Variants in AUTS2 observed in about 807,000 individuals in gnomAD.
AUTS2 encodes autism susceptibility gene 2 protein.
Under a neutral mutation model 112.4 loss-of-function variants are expected in AUTS2, and 17 were observed. That is an observed-to-expected ratio of 0.15 (90% CI 0.10 to 0.23). AUTS2 has a LOEUF of 0.23. Among genes scored for constraint, AUTS2 ranks in the 10% least tolerant of loss-of-function variants. The pLI is 1.00. For missense variants in AUTS2, 1,510 were observed against 1,701.6 expected (o/e 0.89, Z 1.98); for synonymous variants, 751 against 702.7 (o/e 1.07, Z -1.09).
At chr7:69,764,631 A>G (rs1788341201) in intron 1 of AUTS2, among the ~76,000 whole-genome samples, 1 of 152,204 alleles carries the variant, frequency 6.6e-6, no homozygotes. Flanking sequence ...TTCTAGCCAG[A>G]TAAAGGAGAT....
chr7:70,619,794 G>A (rs1804573589), intron 5 of AUTS2, among the ~76,000 whole-genome samples: 1 of 152,072 alleles, frequency 6.6e-6, no homozygotes. Flanking sequence ...CATTTCAGAT[G>A]CACCCCCATG....
At chr7:69,928,990 C>G (rs541820495) in intron 2 of AUTS2, among the ~76,000 whole-genome samples, 2 of 152,270 alleles carry the variant, frequency 1.3e-5, no homozygotes, top group African/African-American at 4.8e-5. Flanking sequence ...CTGGGTAGAT[C>G]CTATTTACAT....
intron 1 of AUTS2, among the ~76,000 whole-genome samples, chr7:69,676,589 G>A (rs1796574603): frequency 6.6e-6 from 1 of 152,172 alleles, no homozygotes; most frequent in Non-Finnish European, 1.5e-5. Context: ...ACTTAAATAA[G>A]TGTGACTTAA....
intron 5 of AUTS2, among the ~76,000 whole-genome samples, chr7:70,624,485 C>T (rs964211478): frequency 8.5e-5 from 13 of 152,222 alleles, no homozygotes; most frequent in African/African-American, 2.4e-4. Flanking sequence ...CTGAAAGAGG[C>T]GAAGTATAAA....
At chr7:70,772,838 C>T (rs1045347920) in intron 11 of AUTS2, among the ~76,000 whole-genome samples, 4 of 152,246 alleles carry the variant, frequency 2.6e-5, no homozygotes, top group African/African-American at 7.2e-5. Flanking sequence ...CTCCTTCCCC[C>T]AGTCTGCACC....
intron 2 of AUTS2, among the ~76,000 whole-genome samples, chr7:69,984,808 T>C (rs1386207339): frequency 1.3e-5 from 2 of 152,124 alleles, no homozygotes; most frequent in Admixed American, 6.5e-5. Context: ...TAGCACTCTC[T>C]GTAATCATTT....
chr7:70,157,437 GC>G (rs1346943733), intron 4 of AUTS2, among the ~76,000 whole-genome samples: 1 of 151,908 alleles, frequency 6.6e-6, no homozygotes, highest in African/African-American at 2.4e-5. Flanking sequence ...ATGCCACCAT[GC>G]CTGGCTAATT....
At chr7:69,707,573 A>G (rs1433609150) in intron 1 of AUTS2, among the ~76,000 whole-genome samples, 3 of 152,220 alleles carry the variant, frequency 2.0e-5, no homozygotes, top group Non-Finnish European at 4.4e-5. Context: ...TAGATTTATC[A>G]TCTAGGTAGT....
chr7:69,659,977 A>G (rs1277704597), intron 1 of AUTS2, among the ~76,000 whole-genome samples: 1 of 152,178 alleles, frequency 6.6e-6, no homozygotes, highest in Non-Finnish European at 1.5e-5. Flanking sequence ...CTACTTAATA[A>G]CAGACTTTAG....
intron 6 of AUTS2, among the ~76,000 whole-genome samples, chr7:70,746,490 T>C (rs1001589629): frequency 6.6e-6 from 1 of 152,234 alleles, no homozygotes; most frequent in Non-Finnish European, 1.5e-5. Context: ...ATATTTAATC[T>C]TGTATAATAA....
chr7:69,730,372 A>C lies in AUTS2; in HGVS notation c.309+130410A>C, dbSNP rs113913645. On this transcript the variant is annotated intron_variant, in intron 1 of 18. Transcript: ENST00000342771. ...AACTTGTCATCCCTTCTGAGATCTA[A>C]CATCAATTCTGTCCCCACCTGCCCC... Among the ~76,000 whole-genome samples the C allele has an allele frequency of 4.1e-4, 63 of 152,230 alleles. 4 individuals are homozygous for C. Among genetic ancestry groups the C allele is most frequent in the African/African-American group, 1.4e-3 (59 of 41,538 alleles).
intron 4 of AUTS2, among the ~76,000 whole-genome samples, chr7:70,222,220 G>T (rs902784927): frequency 6.6e-6 from 1 of 152,134 alleles, no homozygotes; most frequent in Non-Finnish European, 1.5e-5. Flanking sequence ...AGGAAACTAA[G>T]ACAGCGAATA....
At chr7:69,699,118 T>G (rs1174819181) in intron 1 of AUTS2, among the ~76,000 whole-genome samples, 1 of 152,170 alleles carries the variant, frequency 6.6e-6, no homozygotes, top group Non-Finnish European at 1.5e-5. Flanking sequence ...TTGAATAATA[T>G]AACTATGTAG....
At chr7:70,045,076 A>T (rs527673911) in intron 2 of AUTS2, among the ~76,000 whole-genome samples, 2 of 152,078 alleles carry the variant, frequency 1.3e-5, no homozygotes, top group African/African-American at 4.8e-5. Context: ...GCTGACTGGT[A>T]TATTTCAGTT....
chr7:69,772,538 A>C (rs1788714126), intron 1 of AUTS2, among the ~76,000 whole-genome samples: 1 of 152,170 alleles, frequency 6.6e-6, no homozygotes, highest in South Asian at 2.1e-4. Flanking sequence ...GACTTAAGCC[A>C]TCCTCCCACT....
chr7:70,107,066 C>A (rs1462932901), intron 2 of AUTS2, among the ~76,000 whole-genome samples: 1 of 152,138 alleles, frequency 6.6e-6, no homozygotes, highest in African/African-American at 2.4e-5. Flanking sequence ...TTTTGCTGAA[C>A]AAGTACTTTA....
intron 5 of AUTS2, among the ~76,000 whole-genome samples, chr7:70,465,301 T>C (rs1797128812): frequency 6.6e-6 from 1 of 152,170 alleles, no homozygotes; most frequent in Non-Finnish European, 1.5e-5. Flanking sequence ...GTGGTGTCTC[T>C]TCAGGCTGCT....
intron 1 of AUTS2, among the ~76,000 whole-genome samples, chr7:69,600,984 G>A (rs1792371868): frequency 6.6e-6 from 1 of 151,936 alleles, no homozygotes; most frequent in African/African-American, 2.4e-5. Flanking sequence ...TCCTAGGGTA[G>A]GGGGAAAGGG....
intron 4 of AUTS2, among the ~76,000 whole-genome samples, chr7:70,347,032 G>A (rs1460910295): frequency 6.6e-6 from 1 of 152,146 alleles, no homozygotes; most frequent in Admixed American, 6.5e-5. Context: ...CTGGCTCTGT[G>A]CATGACTGTT....
Sources: gnomAD v4.1 joint callset for allele counts (sites outside exome capture counted in the v4.1 genomes callset) on GRCh38, gnomAD v4.1.1 for gene constraint, MANE v1.5 for transcripts, NCBI Gene and HGNC (gene_info 2026-07-23, HGNC 2026-07-21) for gene names.